CSMD1: variants seen among roughly 807,000 people sequenced by gnomAD.
CSMD1 encodes the protein CUB and sushi domain-containing protein 1.
CSMD1 carries 213 observed loss-of-function variants against 417.5 expected under a neutral mutation model. The observed-to-expected ratio is 0.51, with a 90% CI of 0.46 to 0.57. The LOEUF is 0.57. Among genes scored for constraint, CSMD1 ranks in the 20% least tolerant of loss-of-function variants. CSMD1 has a pLI of 0.00. For synonymous variants in CSMD1, 2,862 were observed against 1,736.8 expected, an observed-to-expected ratio of 1.65 and a Z score of -16.11; for missense variants, 6,923 against 4,529.7, an observed-to-expected ratio of 1.53 and a Z score of -15.17.
At position 4,145,044 on chromosome 8, in the gene CSMD1, A is replaced by G. The variant is rs563594575; in HGVS notation, c.416-112945T>C. On this transcript the variant is annotated intron_variant, in intron 3 of 69. Transcript: ENST00000635120. ...TATCTTCTACTTTTCCGCTTTTAAA[A>G]TATTTTTAAATGTTTCTAAAATACA... 3.2e-4 allele frequency among the ~76,000 whole-genome samples: 48 copies of G among 151,280 alleles called. 4 individuals are homozygous for G. Among genetic ancestry groups the G allele is most frequent in the African/African-American group, 1.2e-3 (48 of 40,600 alleles).
In CSMD1 at chr8:3,772,249, A is replaced by ATACGTATATTTAGACATACATATG. The variant is rs1554430725; in HGVS notation, c.819-18208_819-18207insCATATGTATGTCTAAATATACGTA. Among the ~76,000 whole-genome samples the ATACGTATATTTAGACATACATATG allele has an allele frequency of 1.0e-4, 8 of 80,290 alleles. No homozygotes were observed. The East Asian group carries it at 2.4e-3, about 24-fold the overall frequency. 52.7% of individuals were successfully genotyped at this position (80,290 alleles called of 152,430 possible). ...CACACACATATTTATATATAGATAT[A>ATACGTATATTTAGACATACATATG]TACATATATTTAGACATACATATGT... is the stretch of plus-strand genomic sequence containing the variant. On this transcript the variant is annotated intron_variant, in intron 5 of 69. Coordinates refer to ENST00000635120, the MANE Select transcript of CSMD1 (RefSeq NM_033225.6).
chr8:4,069,475 T>C (rs1380631799), intron 3 of CSMD1, among the ~76,000 whole-genome samples: 2 of 152,172 alleles, frequency 1.3e-5, no homozygotes, highest in Admixed American at 1.3e-4. Context: ...GGATATTATC[T>C]CTAGGTAAGT....
At chr8:3,973,620 G>T (rs577615760) in intron 5 of CSMD1, among the ~76,000 whole-genome samples, 47 of 152,082 alleles carry the variant, frequency 3.1e-4, no homozygotes, top group Non-Finnish European at 6.0e-4. Flanking sequence ...TCATCATTGT[G>T]ATGCTTCCTG....
At chr8:3,451,692 A>G (rs748914796) in intron 12 of CSMD1, among the ~76,000 whole-genome samples, 1 of 152,202 alleles carries the variant, frequency 6.6e-6, no homozygotes, top group Non-Finnish European at 1.5e-5. Flanking sequence ...TTTTGGAACC[A>G]GTACCATGCT....
chr8:4,728,234 AC>A (rs1379869449), intron 1 of CSMD1, among the ~76,000 whole-genome samples: 1 of 149,494 alleles, frequency 6.7e-6, no homozygotes, highest in Non-Finnish European at 1.5e-5. Context: ...GTGTGATCCT[AC>A]ACCTAATGAT....
At chr8:4,458,579 G>A (rs73660863) in intron 2 of CSMD1, among the ~76,000 whole-genome samples, 1 of 151,958 alleles carries the variant, frequency 6.6e-6, no homozygotes, top group African/African-American at 2.4e-5. Flanking sequence ...CATTGTAACA[G>A]TAAATACAAG....
chr8:4,441,820 C>G (rs887249127), intron 2 of CSMD1, among the ~76,000 whole-genome samples: 3 of 152,078 alleles, frequency 2.0e-5, no homozygotes, highest in Non-Finnish European at 4.4e-5. Context: ...CAATCAAACA[C>G]TGAAGTTTGA....
chr8:4,968,056 G>C (rs1419065727), intron 1 of CSMD1, among the ~76,000 whole-genome samples: 1 of 151,962 alleles, frequency 6.6e-6, no homozygotes, highest in East Asian at 1.9e-4. Context: ...CCAAATTAGA[G>C]TTCTTAGGTT....
At chr8:4,312,432 T>C (rs966725763) in intron 3 of CSMD1, among the ~76,000 whole-genome samples, 5 of 139,722 alleles carry the variant, frequency 3.6e-5, no homozygotes, top group Non-Finnish European at 7.5e-5. Context: ...CGCGTATATA[T>C]ATATGCGTAT....
intron 5 of CSMD1, among the ~76,000 whole-genome samples, chr8:3,901,833 T>C (rs1441335656): frequency 6.6e-6 from 1 of 152,228 alleles, no homozygotes; most frequent in Non-Finnish European, 1.5e-5. Flanking sequence ...TTTGTTTGCA[T>C]CCTGATATTA....
chr8:4,646,929 A>C (rs2725002), intron 1 of CSMD1, among the ~76,000 whole-genome samples: 1 of 151,916 alleles, frequency 6.6e-6, no homozygotes, highest in Admixed American at 6.5e-5. Flanking sequence ...ATTAGTACAC[A>C]CATTTTTAAA....
intron 12 of CSMD1, among the ~76,000 whole-genome samples, chr8:3,420,121 G>C (rs546437798): frequency 6.6e-6 from 1 of 151,928 alleles, no homozygotes; most frequent in Non-Finnish European, 1.5e-5. Context: ...TTCAATAGTT[G>C]GGAAGTCATT....
chr8:4,077,298 T>TAG (rs1563092779), intron 3 of CSMD1, among the ~76,000 whole-genome samples: 3 of 33,546 alleles, frequency 8.9e-5, no homozygotes, highest in African/African-American at 2.4e-4. Context: ...TATATATGTG[T>TAG]ATATATATAT....
chr8:4,622,362 C>A (rs910570564), intron 2 of CSMD1, among the ~76,000 whole-genome samples: 1 of 152,038 alleles, frequency 6.6e-6, no homozygotes, highest in African/African-American at 2.4e-5. Flanking sequence ...TCCACACAGT[C>A]CAGCACGAGT....
intron 3 of CSMD1, among the ~76,000 whole-genome samples, chr8:4,169,035 T>C (rs1017600353): frequency 6.6e-6 from 1 of 152,152 alleles, no homozygotes; most frequent in Admixed American, 6.5e-5. Flanking sequence ...CAGTTGCTGG[T>C]TTCTTCTTTT....
chr8:3,816,287 C>G (rs773647465), intron 5 of CSMD1, among the ~76,000 whole-genome samples: 1 of 152,142 alleles, frequency 6.6e-6, no homozygotes, highest in Non-Finnish European at 1.5e-5. Flanking sequence ...GCCAGTTGTT[C>G]CTCATTCTCT....
Position 4,245,544 on chromosome 8 carries a change from T to A in CSMD1, c.415+174409A>T, listed in dbSNP as rs542512722. The stretch of plus-strand genomic sequence containing the variant: ...CCATGGTCTCTCCATGCTGGGATGC[T>A]AAACATGAGGTGTGTAGAGGAAATG... On this transcript the variant is annotated intron_variant, in intron 3 of 69. Coordinates refer to ENST00000635120, the MANE Select transcript of CSMD1 (RefSeq NM_033225.6). Among the ~76,000 whole-genome samples, 17 of 152,288 alleles carry A rather than the reference T, an allele frequency of 1.1e-4. No individual in the cohort carries two copies. The South Asian group carries it at 3.5e-3, about 32-fold the overall frequency.
chr8:4,124,525 A>G (rs1647327), intron 3 of CSMD1, among the ~76,000 whole-genome samples: 150,665 of 152,248 alleles, frequency 0.99, 74,573 homozygotes, highest in East Asian at 1. Context: ...TTCAAGTATC[A>G]AAGCCCTGAG....
intron 2 of CSMD1, among the ~76,000 whole-genome samples, chr8:4,587,389 ACAT>A (rs1799755789): frequency 1.3e-5 from 1 of 76,496 alleles, no homozygotes; most frequent in African/African-American, 7.7e-5. Flanking sequence ...ATATGTACAT[ACAT>A]GTATATGTGG....
Sources: allele counts gnomAD v4.1 joint callset (sites outside exome capture counted in the v4.1 genomes callset), GRCh38; gene constraint gnomAD v4.1.1; transcripts MANE v1.5; gene names NCBI Gene and HGNC (gene_info 2026-07-23, HGNC 2026-07-21).